Variants in KCND2 observed in about 807,000 individuals in gnomAD.
The protein encoded by KCND2 is A-type voltage-gated potassium channel KCND2.
Under a neutral mutation model 54.4 loss-of-function variants are expected in KCND2, and 16 were observed. That is an observed-to-expected ratio of 0.29 (90% CI 0.20 to 0.45). The LOEUF is 0.45. KCND2 is among the 20% of genes least tolerant of loss of function. KCND2 has a pLI of 1.00. For synonymous variants in KCND2, 317 were observed against 310.7 expected (o/e 1.02, Z -0.21); for missense variants, 486 against 824.2 (o/e 0.59, Z 5.02).
At chr7:120,641,012 T>G (rs1793364376) in intron 1 of KCND2, among the ~76,000 whole-genome samples, 1 of 152,194 alleles carries the variant, frequency 6.6e-6, no homozygotes, top group African/African-American at 2.4e-5. Flanking sequence ...ATGATATAAT[T>G]TGCATTTTTT....
intron 2 of KCND2, among the ~76,000 whole-genome samples, chr7:120,733,809 T>C (rs1183034589): frequency 6.6e-6 from 1 of 152,134 alleles, no homozygotes; most frequent in African/African-American, 2.4e-5. Context: ...TACACTCAAC[T>C]GTAAAATGGG....
At chr7:120,567,940 T>C (rs1792317952) in intron 1 of KCND2, among the ~76,000 whole-genome samples, 1 of 152,128 alleles carries the variant, frequency 6.6e-6, no homozygotes, top group South Asian at 2.1e-4. Flanking sequence ...TTTGCATCAA[T>C]GATGCATGTA....
At chr7:120,694,480 C>T (rs1052998204) in intron 1 of KCND2, among the ~76,000 whole-genome samples, 32 of 152,056 alleles carry the variant, frequency 2.1e-4, no homozygotes, top group Non-Finnish European at 7.4e-5. Flanking sequence ...GTTGGAGGAC[C>T]GGCATCTCTT....
intron 1 of KCND2, among the ~76,000 whole-genome samples, chr7:120,340,935 G>T (rs1275951998): frequency 6.6e-6 from 1 of 152,196 alleles, no homozygotes; most frequent in Admixed American, 6.5e-5. Flanking sequence ...TGATTACTAT[G>T]ACTACATAAG....
intron 1 of KCND2, among the ~76,000 whole-genome samples, chr7:120,314,301 C>T (rs1381643007): frequency 2.0e-5 from 3 of 151,376 alleles, no homozygotes; most frequent in Admixed American, 2.0e-4. Flanking sequence ...CCACTGCACC[C>T]CAGCCTGGGT....
rs181685823 is a variant in KCND2, at chr7:120,273,436, A to G, written c.-1197A>G. On this transcript the variant is annotated 5_prime_UTR_variant, in exon 1 of 6. Coordinates refer to ENST00000331113, the MANE Select transcript of KCND2 (RefSeq NM_012281.3). Reference sequence around the variant, plus strand: ...CCGCCCCGCAGCCCCGCCGCCCCGCAGCCCCGCACCGCGCTGGCCAGGCTC... The same window carrying G: ...CCGCCCCGCAGCCCCGCCGCCCCGCGGCCCCGCACCGCGCTGGCCAGGCTC... 1.4e-5 allele frequency among the ~76,000 whole-genome samples: 2 copies of G among 144,926 alleles called. No homozygotes were observed. The highest frequency in any genetic ancestry group is 5.0e-5 in the African/African-American group (2 of 40,150).
intron 1 of KCND2, among the ~76,000 whole-genome samples, chr7:120,392,750 G>A (rs1584759604): frequency 1.3e-5 from 2 of 151,878 alleles, no homozygotes; most frequent in East Asian, 1.9e-4. Flanking sequence ...TCTTGCTGCC[G>A]CCATGTTTGT....
At chr7:120,646,488 T>C (rs1793443911) in intron 1 of KCND2, among the ~76,000 whole-genome samples, 2 of 152,236 alleles carry the variant, frequency 1.3e-5, no homozygotes, top group Non-Finnish European at 2.9e-5. Flanking sequence ...TATGGTGATT[T>C]TTTTCTGTCA....
chr7:120,343,586 A>C (rs1330752165), intron 1 of KCND2, among the ~76,000 whole-genome samples: 1 of 152,218 alleles, frequency 6.6e-6, no homozygotes, highest in Non-Finnish European at 1.5e-5. Context: ...TGCAGATAGC[A>C]AAGGTAAGTG....
chr7:120,289,848 T>C (rs1235164512), intron 1 of KCND2, among the ~76,000 whole-genome samples: 2 of 152,180 alleles, frequency 1.3e-5, no homozygotes, highest in Non-Finnish European at 2.9e-5. Flanking sequence ...TCTATGATTC[T>C]TGTTCACCTT....
chr7:120,526,476 T>C (rs2116356355), intron 1 of KCND2, among the ~76,000 whole-genome samples: 1 of 152,286 alleles, frequency 6.6e-6, no homozygotes, highest in East Asian at 1.9e-4. Context: ...GATCTTCTTT[T>C]GTTCTGATTG....
At chr7:120,315,601 G>A (rs960694405) in intron 1 of KCND2, among the ~76,000 whole-genome samples, 2 of 152,000 alleles carry the variant, frequency 1.3e-5, no homozygotes, top group African/African-American at 4.8e-5. Flanking sequence ...ACAAATTCTG[G>A]TGCCACCCTT....
chr7:120,746,891 T>C (rs545667031), intron 5 of KCND2: 5 of 152,216 alleles, frequency 3.3e-5, no homozygotes, highest in African/African-American at 1.2e-4. Flanking sequence ...TTTACATAAA[T>C]TGGATGTCTC....
At chr7:120,371,360 TC>T (rs1800762489) in intron 1 of KCND2, among the ~76,000 whole-genome samples, 1 of 152,050 alleles carries the variant, frequency 6.6e-6, no homozygotes, top group Admixed American at 6.6e-5. Flanking sequence ...GCTGACATTT[TC>T]CAAAGGTGGC....
intron 1 of KCND2, among the ~76,000 whole-genome samples, chr7:120,642,648 T>C (rs1793392732): frequency 6.6e-6 from 1 of 151,586 alleles, no homozygotes; most frequent in African/African-American, 2.4e-5. Context: ...GGGTTTTTTT[T>C]CCTCCTTTGT....
chr7:120,392,635 G>A lies in KCND2; in HGVS notation c.1115+116888G>A, dbSNP rs145622133. ...TCTAGACCATTTTATGTAAAAGTAC[G>A]TTTTTCACGACCAAGCCTGTGTTAA... is the stretch of plus-strand genomic sequence containing the variant. On this transcript the variant is annotated intron_variant, in intron 1 of 5. Transcript: ENST00000331113. Among the ~76,000 whole-genome samples, 1,273 of 151,734 alleles carry A rather than the reference G, an allele frequency of 8.4e-3. 14 individuals carry two copies. Among genetic ancestry groups the A allele is most frequent in the African/African-American group, 0.029 (1,199 of 41,398 alleles).
chr7:120,431,933 G>A (rs1349204986), intron 1 of KCND2, among the ~76,000 whole-genome samples: 4 of 152,014 alleles, frequency 2.6e-5, no homozygotes, highest in South Asian at 4.1e-4. Context: ...AGTAGTAGTA[G>A]GATTATCGCT....
chr7:120,709,872 G>A (rs769490359), intron 1 of KCND2, among the ~76,000 whole-genome samples: 32 of 152,128 alleles, frequency 2.1e-4, no homozygotes, highest in Non-Finnish European at 3.8e-4. Context: ...TGCAAATGGG[G>A]CACCAAGGAA....
intron 1 of KCND2, among the ~76,000 whole-genome samples, chr7:120,610,336 C>G (rs1456664090): frequency 6.6e-6 from 1 of 152,076 alleles, no homozygotes; most frequent in Non-Finnish European, 1.5e-5. Flanking sequence ...ATCGTTGAAA[C>G]ATTTAAGAAA....
Sources: allele counts gnomAD v4.1 joint callset (sites outside exome capture counted in the v4.1 genomes callset), GRCh38; gene constraint gnomAD v4.1.1; transcripts MANE v1.5; gene names NCBI Gene and HGNC (gene_info 2026-07-23, HGNC 2026-07-21).